ZMYM4: variants seen among roughly 807,000 people sequenced by gnomAD.
ZMYM4 encodes zinc finger MYM-type protein 4.
In ZMYM4, 31 loss-of-function variants were observed where a neutral mutation model predicts 183.2. The ratio of observed to expected loss-of-function variants is 0.17; its 90% CI spans 0.13 to 0.23. The LOEUF (loss-of-function observed/expected upper bound fraction) is 0.23. Ranked by LOEUF, ZMYM4 falls within the 10% of genes least tolerant of loss-of-function variation. The pLI, the probability that ZMYM4 is intolerant of heterozygous loss-of-function variation, is 1.00. For synonymous variants in ZMYM4, 592 were observed against 631.2 expected (o/e 0.94, Z 0.93); for missense variants, 1,273 against 1,840.3 (o/e 0.69, Z 5.64).
intron 1 of ZMYM4, among the ~76,000 whole-genome samples, chr1:35,321,589 C>CTGTGTGTG (rs141218579): frequency 1.4e-5 from 2 of 147,840 alleles, no homozygotes; most frequent in African/African-American, 4.9e-5. Flanking sequence ...ACTTTCAGAG[C>CTGTGTGTG]TGTGTGTGTG....
In ZMYM4 at chr1:35,393,735, G is replaced by A; in HGVS notation, c.2907G>A (p.Gln969=). 1 of 1,606,380 alleles carries A rather than the reference G, an allele frequency of 6.2e-7. No homozygotes were observed. The highest frequency in any genetic ancestry group is 1.7e-5 in the Admixed American group (1 of 58,850). ...CKPHTQNKEC[Q]TEDTPSQPQI... ...CACATACCCAAAACAAAGAATGCCA[G>A]ACAGGTATGTTCCTTGGTCTTTCTT... is the stretch of plus-strand genomic sequence containing the variant. Residue 969 remains glutamine, a synonymous_variant, in exon 18 of 30, where the codon CAG becomes CAA. Transcript: ENST00000314607.
chr1:35,285,432 A>C (rs2148701393), intron 1 of ZMYM4, among the ~76,000 whole-genome samples: 1 of 152,178 alleles, frequency 6.6e-6, no homozygotes, highest in East Asian at 1.9e-4. Flanking sequence ...AATCAGTATA[A>C]TCTACCACAT....
rs1376894018 is a variant in ZMYM4, at chr1:35,312,303, TA to T, written c.40-13056del. On this transcript the variant is annotated intron_variant, in intron 1 of 29. Coordinates refer to ENST00000314607, the MANE Select transcript of ZMYM4 (RefSeq NM_005095.3). Reference sequence around the variant, plus strand: ...AGTTTTCAGCCATTATTTCTTCAGATATTTTTTTCTGCTCTGCAGTCTTTCT... The same window carrying T: ...AGTTTTCAGCCATTATTTCTTCAGATTTTTTTTCTGCTCTGCAGTCTTTCT... 3.0e-4 allele frequency among the ~76,000 whole-genome samples: 46 copies of T among 152,338 alleles called. 1 individual carries two copies. The highest frequency in any genetic ancestry group is 1.0e-3 in the African/African-American group (43 of 41,592).
intron 7 of ZMYM4, among the ~76,000 whole-genome samples, chr1:35,380,936 C>A (rs1370005554): frequency 6.6e-6 from 1 of 151,894 alleles, no homozygotes; most frequent in African/African-American, 2.4e-5. Context: ...ACAGATAATT[C>A]TAGAAAAGAA....
Position 35,304,497 on chromosome 1 carries a change from A to G in ZMYM4, c.40-20863A>G, listed in dbSNP as rs549766979. 8.7e-5 allele frequency among the ~76,000 whole-genome samples: 13 copies of G among 148,722 alleles called. 2 individuals are homozygous for G. Among genetic ancestry groups the G allele is most frequent in the African/African-American group, 2.7e-4 (11 of 40,254 alleles). On this transcript the variant is annotated intron_variant, in intron 1 of 29. Transcript: ENST00000314607. ...CTTTGAGACGGGATCTGGCTCTGTC[A>G]TCCAGGCTGGGGTGCAATGGCTCGA...
chr1:35,328,026 A>G (rs558347126), intron 2 of ZMYM4, among the ~76,000 whole-genome samples: 19 of 152,298 alleles, frequency 1.2e-4, no homozygotes, highest in Non-Finnish European at 1.5e-4. Context: ...CCTTTGCTCA[A>G]GTGTGTATAT....
chr1:35,388,397 G>C (rs947674927), intron 13 of ZMYM4, among the ~76,000 whole-genome samples: 1 of 152,118 alleles, frequency 6.6e-6, no homozygotes, highest in African/African-American at 2.4e-5. Context: ...TAGAGACAGG[G>C]CTTCACCATG....
intron 1 of ZMYM4, among the ~76,000 whole-genome samples, chr1:35,298,627 C>T (rs903789776): frequency 6.6e-6 from 1 of 152,006 alleles, no homozygotes; most frequent in Non-Finnish European, 1.5e-5. Context: ...CTGGGAGGGC[C>T]ATTTGGAGTC....
chr1:35,336,076 T>C (rs1234407921), intron 2 of ZMYM4, among the ~76,000 whole-genome samples: 2 of 152,202 alleles, frequency 1.3e-5, no homozygotes, highest in Non-Finnish European at 2.9e-5. Flanking sequence ...CTGTACCCAT[T>C]GATCAATAAG....
At chr1:35,340,292 C>T (rs990347343) in intron 2 of ZMYM4, among the ~76,000 whole-genome samples, 1 of 151,656 alleles carries the variant, frequency 6.6e-6, no homozygotes, top group African/African-American at 2.4e-5. Flanking sequence ...AGTAGCAGTC[C>T]CCAACCTGTT....
chr1:35,377,722 G>A (rs1644364886), intron 7 of ZMYM4, among the ~76,000 whole-genome samples: 1 of 152,144 alleles, frequency 6.6e-6, no homozygotes, highest in African/African-American at 2.4e-5. Flanking sequence ...AGCCTTCAGT[G>A]AGTCATAATC....
chr1:35,313,396 T>C (rs530158894), intron 1 of ZMYM4, among the ~76,000 whole-genome samples: 161 of 148,510 alleles, frequency 1.1e-3, no homozygotes, highest in African/African-American at 3.8e-3. Context: ...TTTTCTTTTT[T>C]TTTTTTTTTT....
intron 2 of ZMYM4, among the ~76,000 whole-genome samples, chr1:35,352,400 A>ACACACG (rs1643660875): frequency 6.6e-6 from 1 of 151,784 alleles, no homozygotes; most frequent in African/African-American, 2.4e-5. Context: ...ACACACACAC[A>ACACACG]CACACACACA....
intron 1 of ZMYM4, among the ~76,000 whole-genome samples, chr1:35,281,590 T>C (rs1016842518): frequency 1.3e-5 from 2 of 151,882 alleles, no homozygotes; most frequent in African/African-American, 2.4e-5. Flanking sequence ...CATACGTGTG[T>C]ATCAAAACAC....
intron 7 of ZMYM4, among the ~76,000 whole-genome samples, chr1:35,378,009 ATTT>A (rs1191234964): frequency 6.6e-6 from 1 of 152,234 alleles, no homozygotes; most frequent in Non-Finnish European, 1.5e-5. Flanking sequence ...CTTTGGTGTC[ATTT>A]CACCAAAGTT....
intron 2 of ZMYM4, among the ~76,000 whole-genome samples, chr1:35,329,920 G>C (rs1642663904): frequency 6.6e-6 from 1 of 151,982 alleles, no homozygotes; most frequent in African/African-American, 2.4e-5. Flanking sequence ...AAGCACAATA[G>C]AACTTTATTT....
intron 1 of ZMYM4, among the ~76,000 whole-genome samples, chr1:35,312,875 A>G (rs1452184284): frequency 6.6e-6 from 1 of 151,852 alleles, no homozygotes; most frequent in Admixed American, 6.6e-5. Flanking sequence ...TTGCCACCAT[A>G]CCTGGCTAAT....
At chr1:35,284,586 A>G (rs1172893184) in intron 1 of ZMYM4, among the ~76,000 whole-genome samples, 1 of 152,202 alleles carries the variant, frequency 6.6e-6, no homozygotes, top group African/African-American at 2.4e-5. Flanking sequence ...GTTGAAAGTC[A>G]GTTGACCATC....
chr1:35,415,688 C>G lies in ZMYM4; in HGVS notation c.4283C>G (p.Pro1428Arg). ...TKMTYLRFFP[P>R]LQKQESEPDK... ...ATGACATATCTGAGGTTCTTCCCAC[C>G]TTTACAGAAGCAGGAGTCAGAACCA... Residue 1428 changes from proline (P) to arginine (R), a missense_variant, in exon 28 of 30, where the codon CCT (proline) becomes CGT (arginine). Pro to Arg is a moderately radical substitution (Grantham distance 103). Coordinates refer to ENST00000314607, the MANE Select transcript of ZMYM4 (RefSeq NM_005095.3). The G allele has an allele frequency of 6.2e-7, 1 of 1,613,432 alleles. No individual in the cohort carries two copies. Among genetic ancestry groups the G allele is most frequent in the Non-Finnish European group, 8.5e-7 (1 of 1,180,034 alleles).
Sources: gnomAD v4.1 joint callset for allele counts (sites outside exome capture counted in the v4.1 genomes callset) on GRCh38, gnomAD v4.1.1 for gene constraint, MANE v1.5 for transcripts, NCBI Gene and HGNC (gene_info 2026-07-23, HGNC 2026-07-21) for gene names.